CGNL1: variants seen among roughly 807,000 people sequenced by gnomAD.
The protein encoded by CGNL1 is cingulin like 1, also known as cingulin-like protein 1.
Under a neutral mutation model 141.2 loss-of-function variants are expected in CGNL1, and 132 were observed. The observed-to-expected ratio is 0.93, with a 90% CI of 0.81 to 1.08. CGNL1 has a LOEUF of 1.08. CGNL1 is among the 50% of genes least tolerant of loss of function. The pLI is 0.00. For missense variants in CGNL1, 1,870 were observed against 1,588.6 expected (o/e 1.18, Z -3.01); for synonymous variants, 690 against 622.1 (o/e 1.11, Z -1.63).
At chr15:57,525,762 T>G (rs1016599779) in intron 12 of CGNL1, among the ~76,000 whole-genome samples, 16 of 152,140 alleles carry the variant, frequency 1.1e-4, no homozygotes, top group Non-Finnish European at 2.1e-4. Context: ...AGATATTTAT[T>G]GCAGGCTTCT....
At chr15:57,408,708 G>A (rs191408373) in intron 1 of CGNL1, among the ~76,000 whole-genome samples, 155 of 152,022 alleles carry the variant, frequency 1.0e-3, no homozygotes, top group African/African-American at 3.6e-3. Context: ...ATAGGGGTTC[G>A]TAGACGCCCT....
intron 12 of CGNL1, among the ~76,000 whole-genome samples, chr15:57,525,886 A>G (rs1363687692): frequency 1.3e-5 from 2 of 151,078 alleles, no homozygotes; most frequent in East Asian, 3.9e-4. Flanking sequence ...TCTCTTTGGT[A>G]TTAAAAAAAA....
intron 8 of CGNL1, among the ~76,000 whole-genome samples, chr15:57,502,581 G>A (rs561238019): frequency 1.5e-3 from 225 of 152,324 alleles, no homozygotes; most frequent in African/African-American, 5.0e-3. Flanking sequence ...GTAGGTCAGA[G>A]AGAGGAAATA....
chr15:57,521,405 T>G (rs533283542), intron 10 of CGNL1, among the ~76,000 whole-genome samples: 5 of 152,276 alleles, frequency 3.3e-5, no homozygotes, highest in African/African-American at 1.2e-4. Flanking sequence ...AGACACCCCA[T>G]CCTTGCTTGG....
At chr15:57,482,937 A>G (rs1440957602) in intron 8 of CGNL1, among the ~76,000 whole-genome samples, 2 of 151,920 alleles carry the variant, frequency 1.3e-5, no homozygotes, top group Non-Finnish European at 2.9e-5. Context: ...GGCAGCCGCC[A>G]CCTCGCCTGG....
intron 1 of CGNL1, among the ~76,000 whole-genome samples, chr15:57,415,861 A>G (rs1455275522): frequency 1.3e-5 from 2 of 152,238 alleles, no homozygotes; most frequent in African/African-American, 2.4e-5. Context: ...GCTCTGCCAG[A>G]AAAGGGAACA....
rs576853524 is a variant in CGNL1, at chr15:57,544,747, T to G, written c.3500+150T>G. On this transcript the variant is annotated intron_variant, in intron 16 of 18. Coordinates refer to ENST00000281282, the MANE Select transcript of CGNL1 (RefSeq NM_032866.5). ...CACCCTTACTTTTATTATTTCCATT[T>G]TATAGGTGGGAAAACAGAGACCCAT... 6.0e-5 allele frequency: 59 copies of G among 991,388 alleles called. No homozygotes were observed. In the African/African-American group the frequency reaches 7.7e-4, roughly 13 times the overall value. 61.4% of individuals were successfully genotyped at this position (991,388 alleles called of 1,614,324 possible).
chr15:57,517,034 C>A, intron 9 of CGNL1, 48 bp downstream of exon 9: 1 of 1,552,974 alleles, frequency 6.4e-7, no homozygotes, highest in Non-Finnish European at 8.8e-7. Context: ...GCTGCTCCTT[C>A]TTTCCTGTGT....
In CGNL1 at chr15:57,547,427, C is replaced by A; in HGVS notation, c.3846C>A (p.Ser1282Arg). ...DDDDLSTDGG[S>R]LYEAPVSYTF... ...ATGACCTCAGCACGGATGGGGGAAG[C>A]CTCTATGAGGCGCCTGTGAGCTACA... The change falls in exon 19 of 19, where the codon AGC becomes AGA. Residue 1282 changes from serine (S) to arginine (R), a missense_variant. Physicochemically the swap from Ser to Arg is moderately radical, Grantham distance 110. Transcript: ENST00000281282. 1 of 1,614,182 alleles carries A rather than the reference C, an allele frequency of 6.2e-7. No homozygotes were observed. Among genetic ancestry groups the A allele is most frequent in the Non-Finnish European group, 8.5e-7 (1 of 1,180,006 alleles).
intron 3 of CGNL1, 71 bp downstream of exon 3, chr15:57,440,542 G>A: frequency 8.3e-7 from 1 of 1,202,684 alleles, no homozygotes; most frequent in Non-Finnish European, 1.2e-6. Context: ...CCTTTTCCGA[G>A]GCTTTAATGG....
chr15:57,393,202 A>G (rs886946015), intron 1 of CGNL1, among the ~76,000 whole-genome samples: 6 of 152,184 alleles, frequency 3.9e-5, no homozygotes, highest in Non-Finnish European at 4.4e-5. Context: ...TGACATTTCT[A>G]TTGAGTTACT....
At position 57,439,354 on chromosome 15, in the gene CGNL1, A is replaced by T. The variant is rs1451734163; in HGVS notation, c.1355A>T (p.His452Leu). 2 of 1,614,146 alleles carry T rather than the reference A, an allele frequency of 1.2e-6. No individual in the cohort carries two copies. Among genetic ancestry groups the T allele is most frequent in the Non-Finnish European group, 1.7e-6 (2 of 1,180,030 alleles). ...RTFAKLQGAAHGASCAHSRPP... is the reference protein window; with the variant it reads ...RTFAKLQGAALGASCAHSRPP... Reference sequence around the variant, plus strand: ...TTTGCAAAGCTGCAGGGAGCAGCGCACGGGGCTTCATGTGCCCACTCCAGG... The same window carrying T: ...TTTGCAAAGCTGCAGGGAGCAGCGCTCGGGGCTTCATGTGCCCACTCCAGG... Residue 452 changes from histidine (H) to leucine (L), a missense_variant, in exon 2 of 19, where the codon CAC (histidine) becomes CTC (leucine). By Grantham distance (99) the His-to-Leu change is moderately conservative (BLOSUM62 -3). Transcript: ENST00000281282.
At chr15:57,442,175 T>C (rs1228869618) in intron 3 of CGNL1, among the ~76,000 whole-genome samples, 198 bp from the exon 4 acceptor site, 1 of 49,074 alleles carries the variant, frequency 2.0e-5, no homozygotes, top group Non-Finnish European at 4.1e-5. Flanking sequence ...TAACACATCA[T>C]TTATTTGAAA....
chr15:57,540,465 C>T (rs889334253), intron 14 of CGNL1, among the ~76,000 whole-genome samples: 1 of 152,176 alleles, frequency 6.6e-6, no homozygotes, highest in Non-Finnish European at 1.5e-5. Context: ...AAAGACCCGC[C>T]CCCGTGATTC....
chr15:57,418,867 G>A (rs146996914), intron 1 of CGNL1, among the ~76,000 whole-genome samples: 1 of 152,208 alleles, frequency 6.6e-6, no homozygotes, highest in East Asian at 1.9e-4. Flanking sequence ...CGGGTGAGTC[G>A]GGAGTTGGAC....
chr15:57,474,079 T>A (rs1363705308), intron 8 of CGNL1, among the ~76,000 whole-genome samples: 1 of 151,646 alleles, frequency 6.6e-6, no homozygotes. Flanking sequence ...CCTGGCTAAT[T>A]TTTGTATTTT....
rs368299175 is a variant in CGNL1 at position 57,449,547 on chromosome 15, T to C, written c.1804-1953T>C. Among the ~76,000 whole-genome samples the C allele has an allele frequency of 5.9e-5, 9 of 152,328 alleles. No individual in the cohort carries two copies. The East Asian group carries it at 1.3e-3, about 23-fold the overall frequency. The stretch of plus-strand genomic sequence containing the variant: ...GCGCACCTCTCACAATCAGGGGACC[T>C]ACACTGGCACATCATTATCACTCAA... On this transcript the variant is annotated intron_variant, in intron 4 of 18. Transcript: ENST00000281282.
intron 4 of CGNL1, among the ~76,000 whole-genome samples, chr15:57,450,265 G>A (rs2063306031): frequency 6.6e-6 from 1 of 152,058 alleles, no homozygotes; most frequent in African/African-American, 2.4e-5. Flanking sequence ...GTATATATTG[G>A]TATCTCGTTG....
At chr15:57,495,715 A>G (rs549742776) in intron 8 of CGNL1, among the ~76,000 whole-genome samples, 18 of 152,196 alleles carry the variant, frequency 1.2e-4, no homozygotes, top group Non-Finnish European at 2.4e-4. Flanking sequence ...GTGTTAAATG[A>G]ATCCACATTG....
Sources: allele counts gnomAD v4.1 joint callset (sites outside exome capture counted in the v4.1 genomes callset), GRCh38; gene constraint gnomAD v4.1.1; transcripts MANE v1.5; gene names NCBI Gene and HGNC (gene_info 2026-07-23, HGNC 2026-07-21).